The following HECW1 variants were observed in gnomAD, a reference collection of about 807,000 sequenced individuals.
HECW1 encodes E3 ubiquitin-protein ligase HECW1.
In HECW1, 61 loss-of-function variants were observed where a neutral mutation model predicts 182.3. That is an observed-to-expected ratio of 0.33 (90% CI 0.27 to 0.41). The LOEUF is 0.41. Among genes scored for constraint, HECW1 ranks in the 10% least tolerant of loss-of-function variants. The probability of loss-of-function intolerance (pLI) is 1.00; values close to 1 mark genes in which losing one functional copy is unlikely to be tolerated. For synonymous variants in HECW1, 859 were observed against 832.6 expected (o/e 1.03, Z -0.55); for missense variants, 1,739 against 2,108.9 (o/e 0.82, Z 3.44).
rs111878855 is a variant in HECW1, at chr7:43,522,536, A to G, written c.4019+13415A>G. 776 of 152,584 alleles carry G rather than the reference A, an allele frequency of 5.1e-3. 5 individuals carry two copies. The highest frequency in any genetic ancestry group is 0.017 in the African/African-American group (722 of 41,548). 9.5% of individuals were successfully genotyped at this position (152,584 alleles called of 1,614,324 possible). On this transcript the variant is annotated intron_variant, in intron 24 of 29. Transcript: ENST00000395891. ...ACAGAGTTGCCATGGGCTCTTCATG[A>G]AGGCTGGAGGTTAGCTATGGCCCTG...
At chr7:43,197,048 A>G (rs1794523107) in intron 2 of HECW1, among the ~76,000 whole-genome samples, 1 of 152,210 alleles carries the variant, frequency 6.6e-6, no homozygotes, top group Non-Finnish European at 1.5e-5. Context: ...CCAATAAATT[A>G]AATTCTTAAA....
Position 43,444,903 on chromosome 7 carries a change from C to A in HECW1, c.1731C>A (p.Ser577Arg). The A allele has an allele frequency of 6.2e-7, 1 of 1,602,116 alleles. No individual in the cohort carries two copies. Residue 577 changes from serine to arginine, a missense_variant, in exon 11 of 30, where the codon AGC (serine) becomes AGA (arginine). Physicochemically the swap from Ser to Arg is moderately radical, Grantham distance 110. Coordinates refer to ENST00000395891, the MANE Select transcript of HECW1 (RefSeq NM_015052.5). This position sits in a 1 kb window ranked among gnomAD's most constrained non-coding sequence, Gnocchi z 4.3. ...LHSMPSAQGG[S>R]AAEEEDGAEE... ...GCATGCCCTCCGCCCAGGGCGGCAGCGCGGCAGAGGAGGAGGACGGCGCGG... is the reference window on the plus strand; with the variant it reads ...GCATGCCCTCCGCCCAGGGCGGCAGAGCGGCAGAGGAGGAGGACGGCGCGG...
At chr7:43,164,211 G>A (rs1790853787) in intron 2 of HECW1, among the ~76,000 whole-genome samples, 1 of 152,222 alleles carries the variant, frequency 6.6e-6, no homozygotes, top group African/African-American at 2.4e-5. Context: ...TGCATGGGCT[G>A]GAGACAGGGA....
At chr7:43,203,860 C>T (rs1795226657) in intron 2 of HECW1, among the ~76,000 whole-genome samples, 1 of 152,292 alleles carries the variant, frequency 6.6e-6, no homozygotes, top group East Asian at 1.9e-4. Context: ...GTATACCCCA[C>T]TTTCTTAAAT....
chr7:43,296,555 C>T (rs1386522919), intron 3 of HECW1, among the ~76,000 whole-genome samples: 3 of 152,128 alleles, frequency 2.0e-5, no homozygotes, highest in African/African-American at 7.2e-5. Context: ...GAAACATGAG[C>T]CCTCCTCTCT....
intron 6 of HECW1, among the ~76,000 whole-genome samples, chr7:43,366,811 A>C (rs1234258998): frequency 6.6e-6 from 1 of 152,142 alleles, no homozygotes; most frequent in African/African-American, 2.4e-5. Context: ...GTATCCAAAA[A>C]CTAATGGAGA....
Position 43,311,860 on chromosome 7 carries a change from G to A in HECW1, c.125G>A (p.Ser42Asn). 1 of 1,614,208 alleles carries A rather than the reference G, an allele frequency of 6.2e-7. No homozygotes were observed. Among genetic ancestry groups the A allele is most frequent in the South Asian group, 1.1e-5 (1 of 91,084 alleles). Residue 42 changes from serine (S) to asparagine (N), a missense_variant, in exon 4 of 30, where the codon AGC becomes AAC. Transcript: ENST00000395891. ...RRRCKEPLRY[S>N]YNPDQFHNMD... ...CGGTGCAAGGAGCCGCTCCGATACA[G>A]CTACAACCCCGACCAGTTCCACAAC... is the stretch of plus-strand genomic sequence containing the variant.
intron 2 of HECW1, among the ~76,000 whole-genome samples, chr7:43,175,943 C>A (rs988141088): frequency 6.6e-6 from 1 of 152,198 alleles, no homozygotes; most frequent in African/African-American, 2.4e-5. Context: ...GAGCACATTT[C>A]CTCTTAATGC....
intron 2 of HECW1, among the ~76,000 whole-genome samples, chr7:43,180,752 G>A (rs561953846): frequency 6.6e-6 from 1 of 152,326 alleles, no homozygotes; most frequent in East Asian, 1.9e-4. Context: ...GAAGTACAAT[G>A]TGATGTCTCA....
chr7:43,555,496 A>G (rs992060819), intron 29 of HECW1, among the ~76,000 whole-genome samples: 1 of 152,262 alleles, frequency 6.6e-6, no homozygotes, highest in African/African-American at 2.4e-5. Flanking sequence ...ACGCTGCTGC[A>G]ACAGACAGAA....
chr7:43,539,116 T>C (rs2152952436), intron 24 of HECW1, among the ~76,000 whole-genome samples: 1 of 152,386 alleles, frequency 6.6e-6, no homozygotes, highest in Non-Finnish European at 1.5e-5. Context: ...CCTTATCTAA[T>C]TGAACATCCT....
intron 21 of HECW1, among the ~76,000 whole-genome samples, chr7:43,506,485 A>G (rs975872720): frequency 6.6e-6 from 1 of 152,206 alleles, no homozygotes; most frequent in African/African-American, 2.4e-5. Flanking sequence ...GTAGTATATT[A>G]TTTTTATACT....
Position 43,423,214 on chromosome 7 carries a change from A to G in HECW1, c.802-14789A>G, listed in dbSNP as rs145228288. ...GGTGAGTGTGTGAGCAGCCCTAAAGACGGCATTATTTCCCCAGGACAGCAG... is the reference window on the plus strand; with the variant it reads ...GGTGAGTGTGTGAGCAGCCCTAAAGGCGGCATTATTTCCCCAGGACAGCAG... On this transcript the variant is annotated intron_variant, in intron 8 of 29. Coordinates refer to ENST00000395891, the MANE Select transcript of HECW1 (RefSeq NM_015052.5). Among the ~76,000 whole-genome samples the G allele has an allele frequency of 3.5e-3, 531 of 152,232 alleles. 2 individuals carry two copies. Among genetic ancestry groups the G allele is most frequent in the African/African-American group, 0.012 (509 of 41,534 alleles).
chr7:43,363,242 A>T (rs556251672), intron 6 of HECW1, among the ~76,000 whole-genome samples: 1 of 152,138 alleles, frequency 6.6e-6, no homozygotes, highest in Non-Finnish European at 1.5e-5. Flanking sequence ...CAACAAGCAT[A>T]TGCTCCCCAA....
chr7:43,377,121 C>T (rs2074363921), intron 6 of HECW1, among the ~76,000 whole-genome samples: 1 of 152,138 alleles, frequency 6.6e-6, no homozygotes, highest in Non-Finnish European at 1.5e-5. Context: ...GGACTGTGCT[C>T]TTCCCATCCC....
chr7:43,296,508 G>A (rs1307902267), intron 3 of HECW1, among the ~76,000 whole-genome samples: 2 of 152,102 alleles, frequency 1.3e-5, no homozygotes, highest in African/African-American at 4.8e-5. Flanking sequence ...TGAACTTGGC[G>A]GCGCAGCTGT....
intron 2 of HECW1, among the ~76,000 whole-genome samples, chr7:43,213,667 G>C (rs1421799399): frequency 6.6e-6 from 1 of 151,668 alleles, no homozygotes; most frequent in Non-Finnish European, 1.5e-5. Flanking sequence ...GGATGGTCTC[G>C]ATCTCCTGAC....
In HECW1 at chr7:43,450,866, C is replaced by T. The variant is rs1169048913; in HGVS notation, c.2437C>T (p.Gln813Ter). Reference sequence around the variant, plus strand: ...ACTCCATAATTCCCAGCCAGTAAGCCAGCTTCCTTCCCTGAGGCCTGAACA... The same window carrying T: ...ACTCCATAATTCCCAGCCAGTAAGCTAGCTTCCTTCCCTGAGGCCTGAACA... ...PILHNSQPVS[Q>*]LPSLRPEHHH... The change falls in exon 12 of 30, where the codon CAG becomes TAG. Residue 813 changes from glutamine to a stop codon, truncating the protein, a stop_gained. Coordinates refer to ENST00000395891, the MANE Select transcript of HECW1 (RefSeq NM_015052.5). LOFTEE classifies it high-confidence loss of function. 1 of 1,613,358 alleles carries T rather than the reference C, an allele frequency of 6.2e-7. No homozygotes were observed. Among genetic ancestry groups the T allele is most frequent in the Admixed American group, 1.7e-5 (1 of 60,028 alleles).
chr7:43,295,948 T>G (rs1234295555), intron 3 of HECW1, among the ~76,000 whole-genome samples: 2 of 152,244 alleles, frequency 1.3e-5, no homozygotes, highest in African/African-American at 4.8e-5. Flanking sequence ...GCTTTTGACT[T>G]AGATATTTTC....
Sources: allele counts gnomAD v4.1 joint callset (sites outside exome capture counted in the v4.1 genomes callset), GRCh38; gene constraint gnomAD v4.1.1; non-coding constraint Gnocchi (gnomAD v3.1); transcripts MANE v1.5; gene names NCBI Gene and HGNC (gene_info 2026-07-23, HGNC 2026-07-21).